R3HCC1L: variants seen among roughly 807,000 people sequenced by gnomAD.
The protein encoded by R3HCC1L is coiled-coil domain-containing protein R3HCC1L.
R3HCC1L carries 51 observed loss-of-function variants against 59.9 expected under a neutral mutation model. The observed-to-expected ratio is 0.85, with a 90% CI of 0.68 to 1.07. The LOEUF (loss-of-function observed/expected upper bound fraction) is 1.07. Ranked by LOEUF, R3HCC1L falls within the 50% of genes least tolerant of loss-of-function variation. The pLI, the probability that R3HCC1L is intolerant of heterozygous loss-of-function variation, is 0.00. For missense variants in R3HCC1L, 965 were observed against 933.0 expected (o/e 1.03, Z -0.45); for synonymous variants, 322 against 315.2 (o/e 1.02, Z -0.23).
chr10:98,194,134 A>G (rs1851158815), intron 4 of R3HCC1L, among the ~76,000 whole-genome samples: 1 of 152,156 alleles, frequency 6.6e-6, no homozygotes, highest in Non-Finnish European at 1.5e-5. Context: ...ATACAAGCAG[A>G]CATATAGACC....
chr10:98,234,719 G>C (rs1025139080), intron 7 of R3HCC1L, among the ~76,000 whole-genome samples: 4 of 152,240 alleles, frequency 2.6e-5, no homozygotes, highest in Middle Eastern at 6.8e-3. Flanking sequence ...GAGAGATAGA[G>C]TCAACACCTT....
At chr10:98,198,540 C>A (rs112525413) in intron 4 of R3HCC1L, among the ~76,000 whole-genome samples, 2 of 126,074 alleles carry the variant, frequency 1.6e-5, no homozygotes, top group African/African-American at 5.7e-5. Flanking sequence ...AAAAAGCCTT[C>A]GTTTTCAGGA....
At chr10:98,244,042 T>C (rs1457254745) in intron 9 of R3HCC1L, 49 bp from the exon 10 acceptor site, 3 of 1,549,398 alleles carry the variant, frequency 1.9e-6, no homozygotes, top group Admixed American at 3.3e-5. Context: ...GGGAAAGTCA[T>C]TGGTTATATG....
chr10:98,144,332 C>T (rs143797870), intron 1 of R3HCC1L, among the ~76,000 whole-genome samples: 3,530 of 152,152 alleles, frequency 0.023, 54 homozygotes, highest in South Asian at 0.051. Flanking sequence ...TCTCCTGCCT[C>T]AGCTTTCCGA....
Position 98,208,862 on chromosome 10 carries a change from A to G in R3HCC1L, c.748A>G (p.Met250Val), listed in dbSNP as rs376638744. The G allele has an allele frequency of 7.4e-6, 12 of 1,614,182 alleles. No homozygotes were observed. The South Asian group carries it at 1.1e-4, about 15-fold the overall frequency. ...SSDSEIVQQS[M>V]QTSDGILNPS... ...TGATTCTGAAATTGTACAACAAAGCATGCAAACATCAGATGGAATATTGAA... is the reference window on the plus strand; with the variant it reads ...TGATTCTGAAATTGTACAACAAAGCGTGCAAACATCAGATGGAATATTGAA... Residue 250 changes from methionine (M) to valine (V), a missense_variant, in exon 5 of 10, where the codon ATG (methionine) becomes GTG (valine). Transcript: ENST00000298999.
At chr10:98,236,368 A>G (rs941612521) in intron 9 of R3HCC1L, among the ~76,000 whole-genome samples, 10 of 152,222 alleles carry the variant, frequency 6.6e-5, no homozygotes, top group African/African-American at 2.2e-4. Flanking sequence ...AAGACATTCT[A>G]ATCCACGCTC....
intron 4 of R3HCC1L, among the ~76,000 whole-genome samples, chr10:98,196,347 A>T (rs777625801): frequency 1.3e-5 from 2 of 152,130 alleles, no homozygotes; most frequent in Non-Finnish European, 2.9e-5. Flanking sequence ...CCATGAAGCC[A>T]TTCCAGTGTT....
intron 5 of R3HCC1L, 117 bp downstream of exon 5, chr10:98,210,016 A>G (rs1853379606): frequency 1.3e-6 from 1 of 761,966 alleles, no homozygotes; most frequent in Non-Finnish European, 2.1e-6. Context: ...GCAATAAACT[A>G]ATAGGCTTGT....
At chr10:98,220,382 C>A (rs1423459377) in intron 5 of R3HCC1L, among the ~76,000 whole-genome samples, 5 of 142,966 alleles carry the variant, frequency 3.5e-5, no homozygotes, top group Admixed American at 3.5e-4. Flanking sequence ...TTTTTTTTTC[C>A]CATCTTTTTT....
Position 98,209,457 on chromosome 10 carries a change from G to A in R3HCC1L, c.1343G>A (p.Gly448Asp), listed in dbSNP as rs1419516079. 6 of 1,613,474 alleles carry A rather than the reference G, an allele frequency of 3.7e-6. No homozygotes were observed. Among genetic ancestry groups the A allele is most frequent in the African/African-American group, 1.3e-5 (1 of 74,910 alleles). ...CCTTCTGCTTGCTCAGATATTTATG[G>A]TGAGAGTATTTCATCTCATTTTACA... is the stretch of plus-strand genomic sequence containing the variant. ...SNPSACSDIY[G>D]ESISSHFTES... Residue 448 changes from glycine (G) to aspartate (D), a missense_variant, in exon 5 of 10, where the codon GGT (glycine) becomes GAT (aspartate). Gly to Asp is a moderately conservative substitution (Grantham distance 94). Coordinates refer to ENST00000298999, the MANE Select transcript of R3HCC1L (RefSeq NM_001351015.2).
intron 6 of R3HCC1L, among the ~76,000 whole-genome samples, chr10:98,232,663 A>G (rs1191547046): frequency 6.6e-6 from 1 of 152,246 alleles, no homozygotes; most frequent in African/African-American, 2.4e-5. Context: ...GTAGTGTGAT[A>G]TAACAAATTT....
intron 4 of R3HCC1L, among the ~76,000 whole-genome samples, chr10:98,206,600 TTA>T (rs1444064990): frequency 8.8e-4 from 1 of 1,138 alleles, no homozygotes; most frequent in African/African-American, 9.2e-4. Flanking sequence ...TTTCTACCCA[TTA>T]TTATTATTAT....
At chr10:98,147,681 T>G (rs1845789870) in intron 1 of R3HCC1L, among the ~76,000 whole-genome samples, 1 of 152,176 alleles carries the variant, frequency 6.6e-6, no homozygotes, top group Non-Finnish European at 1.5e-5. Flanking sequence ...TTCCCCATTT[T>G]ATGTTCTTGG....
intron 4 of R3HCC1L, among the ~76,000 whole-genome samples, chr10:98,200,852 C>A (rs2135098461): frequency 6.6e-6 from 1 of 152,218 alleles, no homozygotes; most frequent in Non-Finnish European, 1.5e-5. Flanking sequence ...TTTTAAACAT[C>A]TTCACCAAAA....
chr10:98,170,355 A>C (rs1771041679), intron 4 of R3HCC1L, among the ~76,000 whole-genome samples: 2 of 152,050 alleles, frequency 1.3e-5, no homozygotes, highest in Admixed American at 6.6e-5. Context: ...TTGCTCTGTC[A>C]CCCAGGCTGG....
chr10:98,179,847 G>A (rs1040919620), intron 4 of R3HCC1L, among the ~76,000 whole-genome samples: 73 of 152,208 alleles, frequency 4.8e-4, no homozygotes, highest in African/African-American at 1.7e-3. Context: ...TAGTTTATTT[G>A]CGTATAGGTA....
chr10:98,213,531 GAACA>G (rs988859725), intron 5 of R3HCC1L, among the ~76,000 whole-genome samples: 2 of 152,114 alleles, frequency 1.3e-5, no homozygotes, highest in African/African-American at 2.4e-5. Flanking sequence ...AGGGGAAAAA[GAACA>G]AAAGGGGATT....
intron 5 of R3HCC1L, among the ~76,000 whole-genome samples, chr10:98,213,211 G>A (rs1231998809): frequency 6.6e-6 from 1 of 152,098 alleles, no homozygotes; most frequent in Admixed American, 6.6e-5. Context: ...TAAATAGTTG[G>A]TAGCCCATCA....
chr10:98,154,758 AGTTT>A (rs1453801208), intron 1 of R3HCC1L, among the ~76,000 whole-genome samples: 1 of 152,238 alleles, frequency 6.6e-6, no homozygotes, highest in Non-Finnish European at 1.5e-5. Flanking sequence ...TCTTTAGGAC[AGTTT>A]AATTCATTAT....
Sources: allele counts gnomAD v4.1 joint callset (sites outside exome capture counted in the v4.1 genomes callset), GRCh38; gene constraint gnomAD v4.1.1; transcripts MANE v1.5; gene names NCBI Gene and HGNC (gene_info 2026-07-23, HGNC 2026-07-21).